Variants in RXFP2 observed in about 807,000 individuals in gnomAD.
RXFP2 encodes relaxin receptor 2.
Under a neutral mutation model 88.6 loss-of-function variants are expected in RXFP2, and 68 were observed. That is an observed-to-expected ratio of 0.77 (90% confidence interval 0.63 to 0.94). RXFP2 has a LOEUF of 0.94. RXFP2 is among the 40% of genes least tolerant of loss of function. RXFP2 has a pLI of 0.00. For synonymous variants in RXFP2, 329 were observed against 306.8 expected (o/e 1.07, Z -0.76); for missense variants, 791 against 893.9 (o/e 0.88, Z 1.47).
intron 17 of RXFP2, among the ~76,000 whole-genome samples, chr13:31,799,308 T>A (rs192528648): frequency 7.4e-4 from 113 of 152,098 alleles, no homozygotes; most frequent in African/African-American, 2.5e-3. Flanking sequence ...GCCTCCCTGG[T>A]TCAAGCGATT....
intron 1 of RXFP2, among the ~76,000 whole-genome samples, chr13:31,754,914 C>G (rs1373115569): frequency 6.6e-6 from 1 of 151,834 alleles, no homozygotes; most frequent in Non-Finnish European, 1.5e-5. Context: ...CAGCAAGCTT[C>G]CATTTTACAT....
At chr13:31,771,057 A>G (rs1027983752) in intron 5 of RXFP2, among the ~76,000 whole-genome samples, 1 of 152,244 alleles carries the variant, frequency 6.6e-6, no homozygotes, top group African/African-American at 2.4e-5. Context: ...ACAGGAGATG[A>G]TGGAGCGTAT....
At chr13:31,767,864 A>T (rs1379306340) in intron 5 of RXFP2, among the ~76,000 whole-genome samples, 1 of 152,088 alleles carries the variant, frequency 6.6e-6, no homozygotes, top group Non-Finnish European at 1.5e-5. Flanking sequence ...TCCCTTGTAT[A>T]TGTTTTGCCC....
chr13:31,792,941 A>T lies in RXFP2; in HGVS notation c.1639A>T (p.Met547Leu). ...QTSVILICIWMAGFLIAVIPF... is the reference protein window; with the variant it reads ...QTSVILICIWLAGFLIAVIPF... ...CTCAGTCATCCTCATTTGCATCTGG[A>T]TGGCGGGATTTTTAATAGCTGTAAT... Residue 547 changes from methionine to leucine, a missense_variant, in exon 16 of 18, where the codon ATG (methionine) becomes TTG (leucine). Transcript: ENST00000298386. The T allele has an allele frequency of 6.2e-7, 1 of 1,614,118 alleles. No individual in the cohort carries two copies. The highest frequency in any genetic ancestry group is 8.5e-7 in the Non-Finnish European group (1 of 1,180,022).
At chr13:31,779,116 T>C (rs903427897) in intron 9 of RXFP2, among the ~76,000 whole-genome samples, 5 of 111,510 alleles carry the variant, frequency 4.5e-5, no homozygotes, top group African/African-American at 1.8e-4. Flanking sequence ...CATATAGTCA[T>C]TGGGCTTGTC....
chr13:31,801,601 T>C (rs1488120541), intron 17 of RXFP2, among the ~76,000 whole-genome samples: 2 of 152,156 alleles, frequency 1.3e-5, no homozygotes, highest in East Asian at 3.9e-4. Context: ...CTATTAGCAT[T>C]TGTAGGGCTG....
chr13:31,739,724 T>C lies in RXFP2; in HGVS notation c.94+18T>C. On this transcript the variant is annotated intron_variant, in intron 1 of 17. Transcript: ENST00000298386. The stretch of plus-strand genomic sequence containing the variant: ...TGTCAAAGGTAAGGTTGCTACTTTC[T>C]CGTTTTAAATGAGTGCAATTCCCAA... The C allele has an allele frequency of 6.7e-7, 1 of 1,492,816 alleles. No individual in the cohort carries two copies. Among genetic ancestry groups the C allele is most frequent in the Non-Finnish European group, 9.3e-7 (1 of 1,069,532 alleles). 92.5% of individuals were successfully genotyped at this position (1,492,816 alleles called of 1,614,324 possible). A position where few individuals can be genotyped will look rare whatever the true frequency, so the allele number is the denominator to read the frequency against.
chr13:31,797,166 C>G (rs763450971), intron 16 of RXFP2, 35 bp from the exon 17 acceptor site: 2 of 1,414,904 alleles, frequency 1.4e-6, no homozygotes, highest in Non-Finnish European at 2.0e-6. Context: ...TTGACTTTTA[C>G]GCCTGAGATG....
At chr13:31,782,526 C>A (rs1390677572) in intron 10 of RXFP2, 150 bp from the exon 11 acceptor site, 2 of 678,830 alleles carry the variant, frequency 2.9e-6, no homozygotes, top group Non-Finnish European at 5.4e-6. Flanking sequence ...GTGAAAAAGT[C>A]CTGCCTTAGT....
At chr13:31,794,247 A>G (rs1190250667) in intron 16 of RXFP2, among the ~76,000 whole-genome samples, 3 of 152,114 alleles carry the variant, frequency 2.0e-5, no homozygotes, top group African/African-American at 7.2e-5. Flanking sequence ...TTATTTGGTC[A>G]TAGATATGTC....
At chr13:31,773,297 ACCACAGATGTGATGTTC>A (rs1197412625) in intron 5 of RXFP2, among the ~76,000 whole-genome samples, 4 of 152,180 alleles carry the variant, frequency 2.6e-5, no homozygotes, top group Non-Finnish European at 4.4e-5. Flanking sequence ...TTTGCATATC[ACCACAGATGTGATGTTC>A]TGTAGTGCCA....
chr13:31,784,597 T>C (rs1035289702), intron 11 of RXFP2, among the ~76,000 whole-genome samples: 12 of 152,200 alleles, frequency 7.9e-5, no homozygotes, highest in Admixed American at 2.0e-4. Flanking sequence ...GTCTCCCTTC[T>C]GGGCTGAGAT....
chr13:31,764,962 T>C, intron 3 of RXFP2, 75 bp from the exon 4 acceptor site: 1 of 801,198 alleles, frequency 1.2e-6, no homozygotes, highest in Non-Finnish European at 2.2e-6. Context: ...AAGAAAACAA[T>C]ATCAGTTATT....
At chr13:31,801,999 T>G in intron 17 of RXFP2, 147 bp from the exon 18 acceptor site, 1 of 768,036 alleles carries the variant, frequency 1.3e-6, no homozygotes, top group Non-Finnish European at 2.1e-6. Flanking sequence ...TCTGTGCTCT[T>G]CCAACAAAGA....
chr13:31,754,687 G>A lies in RXFP2; in HGVS notation c.95-3571G>A, dbSNP rs570473182. Among the ~76,000 whole-genome samples, 3 of 152,260 alleles carry A rather than the reference G, an allele frequency of 2.0e-5. No individual in the cohort carries two copies. The East Asian group carries it at 5.8e-4, about 29-fold the overall frequency. On this transcript the variant is annotated intron_variant, in intron 1 of 17. Coordinates refer to ENST00000298386, the MANE Select transcript of RXFP2 (RefSeq NM_130806.5). Reference sequence around the variant, plus strand: ...CTTAATCGCTTCTTCTAAACATTAAGAAAATATTGTTAGGAGATTGTAAGG... The same window carrying A: ...CTTAATCGCTTCTTCTAAACATTAAAAAAATATTGTTAGGAGATTGTAAGG...
chr13:31,744,532 C>T (rs1004864366), intron 1 of RXFP2, among the ~76,000 whole-genome samples: 1 of 152,202 alleles, frequency 6.6e-6, no homozygotes, highest in Admixed American at 6.5e-5. Flanking sequence ...CTCCATTAGC[C>T]ATGCCCCTCT....
chr13:31,782,465 C>G (rs1441176396), intron 10 of RXFP2, among the ~76,000 whole-genome samples: 1 of 152,108 alleles, frequency 6.6e-6, no homozygotes, highest in Non-Finnish European at 1.5e-5. Flanking sequence ...CACTCAGGAC[C>G]TCAAATTGCT....
intron 1 of RXFP2, among the ~76,000 whole-genome samples, chr13:31,743,688 A>G (rs906231949): frequency 1.3e-4 from 20 of 150,426 alleles, no homozygotes; most frequent in Non-Finnish European, 3.0e-4. Flanking sequence ...CTGCCTCTGC[A>G]GGCATCTGTC....
chr13:31,749,725 A>G (rs1258260640), intron 1 of RXFP2, among the ~76,000 whole-genome samples: 1 of 152,238 alleles, frequency 6.6e-6, no homozygotes, highest in Non-Finnish European at 1.5e-5. Context: ...ATATAAAAAT[A>G]CAATTGACTT....
Sources: allele counts gnomAD v4.1 joint callset (sites outside exome capture counted in the v4.1 genomes callset), GRCh38; gene constraint gnomAD v4.1.1; transcripts MANE v1.5; gene names NCBI Gene and HGNC (gene_info 2026-07-23, HGNC 2026-07-21).